The following GRM5 variants were observed in gnomAD, a reference collection of about 807,000 sequenced individuals.
GRM5 encodes the protein metabotropic glutamate receptor 5.
A neutral mutation model predicts 83.1 loss-of-function variants in GRM5; 19 were observed. That is an observed-to-expected ratio of 0.23 (90% CI 0.16 to 0.34). The LOEUF is 0.34. Ranked by LOEUF, GRM5 falls within the 10% of genes least tolerant of loss-of-function variation. The pLI is 1.00. For missense variants in GRM5, 1,160 were observed against 1,588.3 expected (o/e 0.73, Z 4.58); for synonymous variants, 675 against 633.6 (o/e 1.07, Z -0.98).
At chr11:89,024,043 C>G (rs1408905143) in intron 2 of GRM5, among the ~76,000 whole-genome samples, 1 of 151,738 alleles carries the variant, frequency 6.6e-6, no homozygotes, top group Non-Finnish European at 1.5e-5. Context: ...TGGTAAAACC[C>G]CGTCTGTACT....
intron 2 of GRM5, among the ~76,000 whole-genome samples, chr11:89,031,717 A>T (rs1182972079): frequency 1.3e-5 from 2 of 152,052 alleles, no homozygotes; most frequent in South Asian, 2.1e-4. Context: ...AGTGATTAAA[A>T]AATTTTTCTT....
chr11:88,570,571 A>ATTTTTTT (rs1194098388), intron 7 of GRM5, among the ~76,000 whole-genome samples: 19 of 46,380 alleles, frequency 4.1e-4, no homozygotes, highest in African/African-American at 1.1e-3. Context: ...ATATATATAT[A>ATTTTTTT]TTTTTTTTTT....
At chr11:88,533,408 A>G (rs367585410) in intron 8 of GRM5, among the ~76,000 whole-genome samples, 5 of 152,242 alleles carry the variant, frequency 3.3e-5, no homozygotes, top group Admixed American at 2.6e-4. Context: ...CACTTTCTCA[A>G]TACATCCTGC....
chr11:88,780,147 A>G (rs901341327), intron 3 of GRM5, among the ~76,000 whole-genome samples: 2 of 152,124 alleles, frequency 1.3e-5, no homozygotes, highest in Non-Finnish European at 2.9e-5. Context: ...TCCTTGTGGC[A>G]CTTACAATGA....
chr11:88,877,001 G>T (rs1450497234), intron 2 of GRM5, among the ~76,000 whole-genome samples: 7 of 152,030 alleles, frequency 4.6e-5, no homozygotes, highest in Admixed American at 1.3e-4. Context: ...AATCATAATT[G>T]GAATCTTAAC....
At chr11:88,816,988 A>T (rs1435643103) in intron 3 of GRM5, among the ~76,000 whole-genome samples, 4 of 152,154 alleles carry the variant, frequency 2.6e-5, no homozygotes, top group African/African-American at 9.7e-5. Flanking sequence ...TATCTACATA[A>T]ATTTGAAAAA....
chr11:88,531,178 A>G lies in GRM5; in HGVS notation c.2631-5774T>C, dbSNP rs1377417046. Among the ~76,000 whole-genome samples, 5 of 152,158 alleles carry G rather than the reference A, an allele frequency of 3.3e-5. No homozygotes were observed. The South Asian group carries it at 8.3e-4, about 25-fold the overall frequency. ...AAGCAGCGTTGAGTTGCTGACCTCC[A>G]TCTCTGTGTCCTGTGAAACACGTGA... On this transcript the variant is annotated intron_variant, in intron 8 of 9. Transcript: ENST00000305447.
chr11:88,708,946 TA>T (rs1941223273), intron 3 of GRM5, among the ~76,000 whole-genome samples: 1 of 152,140 alleles, frequency 6.6e-6, no homozygotes, highest in Admixed American at 6.6e-5. Context: ...GCAAAAGGTC[TA>T]ATGGCAGAAG....
In GRM5 at chr11:88,509,028, A is replaced by G; in HGVS notation, c.3203T>C (p.Phe1068Ser). 1 of 1,566,990 alleles carries G rather than the reference A, an allele frequency of 6.4e-7. No individual in the cohort carries two copies. Among genetic ancestry groups the G allele is most frequent in the Non-Finnish European group, 8.7e-7 (1 of 1,155,296 alleles). ...MEQISSVVTRFTANISELNSM... is the reference protein window; with the variant it reads ...MEQISSVVTRSTANISELNSM... ...GTTGAGCTCGCTGATGTTGGCCGTG[A>G]AGCGGGTGACCACACTGCTGATCTG... The change falls in exon 10 of 10, where the codon TTC (phenylalanine) becomes TCC (serine). Residue 1068 changes from phenylalanine (F) to serine (S), a missense_variant. This residue lies in a region of GRM5 where 562 missense variants were observed against 532.4 expected (regional missense o/e 1.06). Coordinates refer to ENST00000305447, the MANE Select transcript of GRM5 (RefSeq NM_001143831.3).
At chr11:88,513,322 T>C (rs188407415) in intron 9 of GRM5, among the ~76,000 whole-genome samples, 167 of 152,320 alleles carry the variant, frequency 1.1e-3, no homozygotes, top group African/African-American at 3.9e-3. Context: ...TGCTCAGTAA[T>C]ATTTTTGGGC....
intron 2 of GRM5, among the ~76,000 whole-genome samples, chr11:88,900,783 A>G (rs549186660): frequency 1.6e-4 from 25 of 152,302 alleles, no homozygotes; most frequent in African/African-American, 5.8e-4. Flanking sequence ...TAGATAAAAT[A>G]ATAAATACTA....
At chr11:88,551,465 CA>C (rs1270491000) in intron 8 of GRM5, among the ~76,000 whole-genome samples, 1 of 152,170 alleles carries the variant, frequency 6.6e-6, no homozygotes. Context: ...CAGACTCTGA[CA>C]TATTAATTTT....
chr11:88,986,484 C>A (rs973322752), intron 2 of GRM5, among the ~76,000 whole-genome samples: 2 of 151,992 alleles, frequency 1.3e-5, no homozygotes, highest in African/African-American at 2.4e-5. Context: ...TGTATATTTT[C>A]TTTGGAAAGA....
intron 3 of GRM5, among the ~76,000 whole-genome samples, chr11:88,725,607 G>A (rs891625285): frequency 6.6e-6 from 1 of 152,162 alleles, no homozygotes; most frequent in African/African-American, 2.4e-5. Context: ...CCTCCCATCA[G>A]GGATCGACAG....
chr11:88,900,149 G>C (rs1464458766), intron 2 of GRM5, among the ~76,000 whole-genome samples: 2 of 152,204 alleles, frequency 1.3e-5, no homozygotes, highest in African/African-American at 4.8e-5. Context: ...TTCTACCGTA[G>C]ATTGATAAAA....
intron 2 of GRM5, among the ~76,000 whole-genome samples, chr11:88,919,875 C>T (rs1945658739): frequency 6.6e-6 from 1 of 151,788 alleles, no homozygotes; most frequent in Admixed American, 6.6e-5. Context: ...TGCAAAATCC[C>T]AAAATCTATG....
chr11:88,760,534 C>A (rs1027324732), intron 3 of GRM5, among the ~76,000 whole-genome samples: 2 of 151,926 alleles, frequency 1.3e-5, no homozygotes, highest in Admixed American at 6.6e-5. Context: ...CTGAACAGAC[C>A]AATAACAAGC....
chr11:88,732,651 A>T (rs895476069), intron 3 of GRM5, among the ~76,000 whole-genome samples: 1 of 152,104 alleles, frequency 6.6e-6, no homozygotes, highest in Non-Finnish European at 1.5e-5. Flanking sequence ...AATATGACTT[A>T]AAGTGAAAAA....
intron 2 of GRM5, among the ~76,000 whole-genome samples, chr11:88,983,858 G>A (rs1387277003): frequency 6.6e-6 from 1 of 152,026 alleles, no homozygotes; most frequent in Non-Finnish European, 1.5e-5. Context: ...GTGGAAGACA[G>A]TGATATTTAC....
Sources: allele counts gnomAD v4.1 joint callset (sites outside exome capture counted in the v4.1 genomes callset), GRCh38; gene constraint gnomAD v4.1.1; regional missense constraint gnomAD v4.1.1; transcripts MANE v1.5; gene names NCBI Gene and HGNC (gene_info 2026-07-23, HGNC 2026-07-21).